Variants in STARD13 observed in about 807,000 individuals in gnomAD.
The protein encoded by STARD13 is StAR related lipid transfer domain containing 13.
A neutral mutation model predicts 106.4 loss-of-function variants in STARD13; 62 were observed. That is an observed-to-expected ratio of 0.58 (90% CI 0.48 to 0.72). STARD13 has a LOEUF of 0.72. Among genes scored for constraint, STARD13 ranks in the 30% least tolerant of loss-of-function variants. The pLI is 0.00. For synonymous variants in STARD13, 565 were observed against 553.0 expected, an observed-to-expected ratio of 1.02 and a Z score of -0.31; for missense variants, 1,387 against 1,424.0, an observed-to-expected ratio of 0.97 and a Z score of 0.42.
At chr13:33,416,888 A>T in the STARD13 span, among the ~76,000 whole-genome samples, 1 of 152,222 alleles carries the variant, frequency 6.6e-6, no homozygotes, top group Non-Finnish European at 1.5e-5. Context: ...TCCAAAGGAC[A>T]CCATCAAGAA....
intron 1 of STARD13, among the ~76,000 whole-genome samples, chr13:33,284,942 T>C (rs1208668582): frequency 1.3e-5 from 2 of 152,176 alleles, no homozygotes; most frequent in African/African-American, 4.8e-5. Flanking sequence ...TATTAACACA[T>C]CTGTGGCAAC....
chr13:33,205,130 G>A (rs1887323199), intron 1 of STARD13, among the ~76,000 whole-genome samples: 1 of 152,186 alleles, frequency 6.6e-6, no homozygotes, highest in South Asian at 2.1e-4. Flanking sequence ...CCACTTAGAT[G>A]TAACATACAA....
chr13:33,184,080 C>A (rs1209339100), intron 1 of STARD13, among the ~76,000 whole-genome samples: 1 of 152,198 alleles, frequency 6.6e-6, no homozygotes, highest in Non-Finnish European at 1.5e-5. Context: ...GCCTTTCTCT[C>A]TACTTTAAAC....
chr13:33,287,977 G>C (rs900877920), upstream of STARD13, among the ~76,000 whole-genome samples: 6 of 152,066 alleles, frequency 3.9e-5, no homozygotes, highest in Non-Finnish European at 8.8e-5. Context: ...CTTAAAGATA[G>C]ACCGGCCATT....
chr13:33,227,197 T>G (rs1383018202), intron 1 of STARD13, among the ~76,000 whole-genome samples: 1 of 152,234 alleles, frequency 6.6e-6, no homozygotes, highest in Non-Finnish European at 1.5e-5. Context: ...ACATCAGATC[T>G]CTAGCCATAA....
the STARD13 span, among the ~76,000 whole-genome samples, chr13:33,458,027 A>G: frequency 1.3e-5 from 2 of 152,210 alleles, no homozygotes; most frequent in Non-Finnish European, 2.9e-5. Flanking sequence ...AACTCATTTA[A>G]ATATAGAATC....
the STARD13 span, among the ~76,000 whole-genome samples, chr13:33,429,523 CAA>C: frequency 3.0e-5 from 3 of 99,072 alleles, no homozygotes; most frequent in African/African-American, 3.4e-5. Context: ...GACTCCGTCT[CAA>C]AAAAAAAAAA....
the STARD13 span, among the ~76,000 whole-genome samples, chr13:33,639,558 C>T: frequency 6.6e-6 from 1 of 152,206 alleles, no homozygotes; most frequent in Non-Finnish European, 1.5e-5. Context: ...GATCCAGTTT[C>T]CCTGGTGTTA....
the STARD13 span, among the ~76,000 whole-genome samples, chr13:33,625,679 T>G: frequency 1.3e-5 from 2 of 152,132 alleles, no homozygotes; most frequent in Admixed American, 6.5e-5. Flanking sequence ...TTAATTCTCT[T>G]GGTTAGAAAG....
chr13:33,472,799 T>C, the STARD13 span, among the ~76,000 whole-genome samples: 3 of 152,172 alleles, frequency 2.0e-5, no homozygotes, highest in African/African-American at 4.8e-5. Context: ...ATTCATCCTG[T>C]GTGTTCTCCA....
the STARD13 span, among the ~76,000 whole-genome samples, chr13:33,464,381 C>T: frequency 6.6e-6 from 1 of 152,114 alleles, no homozygotes; most frequent in Non-Finnish European, 1.5e-5. Context: ...ATTATTGTAA[C>T]ACATATGTTG....
chr13:33,144,980 A>G (rs1288684502), intron 3 of STARD13, among the ~76,000 whole-genome samples: 1 of 152,204 alleles, frequency 6.6e-6, no homozygotes, highest in Admixed American at 6.5e-5. Flanking sequence ...TGACACATGC[A>G]GGAAGTTTAT....
the STARD13 span, among the ~76,000 whole-genome samples, chr13:33,570,716 T>G: frequency 6.6e-6 from 1 of 152,136 alleles, no homozygotes; most frequent in Admixed American, 6.6e-5. Flanking sequence ...GTTCTTTAGA[T>G]GCGTTTAACG....
At chr13:33,336,625 A>C (rs1308853407) in intron 1 of STARD13, 2 of 152,128 alleles carry the variant, frequency 1.3e-5, no homozygotes, top group East Asian at 1.9e-4. Flanking sequence ...GCATGGTAGC[A>C]TGTATCTGTA....
chr13:33,517,061 T>C, the STARD13 span, among the ~76,000 whole-genome samples: 4 of 152,144 alleles, frequency 2.6e-5, no homozygotes, highest in African/African-American at 9.7e-5. Flanking sequence ...AAATATACTA[T>C]TAAAATTAAT....
chr13:33,244,674 T>C lies in STARD13; in HGVS notation c.169+40796A>G, dbSNP rs142909452. Among the ~76,000 whole-genome samples the C allele has an allele frequency of 2.6e-5, 4 of 152,204 alleles. No homozygotes were observed. The East Asian group carries it at 5.8e-4, about 22-fold the overall frequency. On this transcript the variant is annotated intron_variant, in intron 1 of 13. Coordinates refer to ENST00000336934, the MANE Select transcript of STARD13 (RefSeq NM_178006.4). ...AGACAAGAAGCCCAGGCTAGCCTCCTTGGGGATAAGAGACCACATGTAGAG... is the reference window on the plus strand; with the variant it reads ...AGACAAGAAGCCCAGGCTAGCCTCCCTGGGGATAAGAGACCACATGTAGAG...
At chr13:33,148,660 G>T (rs748182907) in intron 3 of STARD13, among the ~76,000 whole-genome samples, 2 of 152,166 alleles carry the variant, frequency 1.3e-5, no homozygotes, top group Non-Finnish European at 2.9e-5. Context: ...GGAAGACAGT[G>T]GGCAGCTTCT....
At chr13:33,279,057 G>C (rs1891613739) in intron 1 of STARD13, among the ~76,000 whole-genome samples, 1 of 152,102 alleles carries the variant, frequency 6.6e-6, no homozygotes, top group Non-Finnish European at 1.5e-5. Context: ...TGCAATGCAT[G>C]TTCAGGTTCT....
the STARD13 span, among the ~76,000 whole-genome samples, chr13:33,540,006 T>C: frequency 0.013 from 1,934 of 152,284 alleles, 34 homozygotes; most frequent in African/African-American, 0.044. Flanking sequence ...GGGCAAAAGT[T>C]TTGAACATAT....
Sources: gnomAD v4.1 joint callset for allele counts (sites outside exome capture counted in the v4.1 genomes callset) on GRCh38, gnomAD v4.1.1 for gene constraint, MANE v1.5 for transcripts, NCBI Gene and HGNC (gene_info 2026-07-23, HGNC 2026-07-21) for gene names.